HPS5: variants seen among roughly 807,000 people sequenced by gnomAD.
HPS5 encodes HPS5 biogenesis of lysosomal organelles complex 2 subunit 2.
Under a neutral mutation model 128.0 loss-of-function variants are expected in HPS5, and 83 were observed. The ratio of observed to expected loss-of-function variants is 0.65; its 90% CI spans 0.54 to 0.78. HPS5 has a LOEUF of 0.78. HPS5 is among the 30% of genes least tolerant of loss of function. The pLI, the probability that HPS5 is intolerant of heterozygous loss-of-function variation, is 0.00. For missense variants in HPS5, 1,281 were observed against 1,326.2 expected, an observed-to-expected ratio of 0.97 and a Z score of 0.53; for synonymous variants, 475 against 470.2, an observed-to-expected ratio of 1.01 and a Z score of -0.13.
intron 2 of HPS5, among the ~76,000 whole-genome samples, chr11:18,313,716 C>A (rs1266105368): frequency 6.6e-6 from 1 of 151,222 alleles, no homozygotes; most frequent in African/African-American, 2.4e-5. Flanking sequence ...GAGATCGAGA[C>A]CATCCTGGCC....
intron 21 of HPS5, among the ~76,000 whole-genome samples, chr11:18,282,525 C>A (rs1859139668): frequency 6.6e-6 from 1 of 151,840 alleles, no homozygotes; most frequent in Admixed American, 6.6e-5. Context: ...ACCGCAGCCT[C>A]CCAAAGTGCT....
At chr11:18,318,674 C>T (rs1033294442) in intron 1 of HPS5, among the ~76,000 whole-genome samples, 1 of 152,194 alleles carries the variant, frequency 6.6e-6, no homozygotes, top group Admixed American at 6.5e-5. Context: ...GAAAATTCTA[C>T]TCATTAATTA....
At chr11:18,317,245 C>T (rs369547110) in intron 2 of HPS5, among the ~76,000 whole-genome samples, 20 of 145,560 alleles carry the variant, frequency 1.4e-4, no homozygotes, top group South Asian at 6.6e-4. Context: ...AATGCTTCTC[C>T]GGGCCTGATA....
intron 20 of HPS5, 25 bp from the exon 21 acceptor site, chr11:18,283,926 A>G: frequency 6.7e-7 from 1 of 1,493,218 alleles, no homozygotes; most frequent in African/African-American, 1.4e-5. Flanking sequence ...AAGTTGAAGA[A>G]AGGAATAAAA....
At chr11:18,281,087 T>G (rs1322060138) in intron 22 of HPS5, among the ~76,000 whole-genome samples, 1 of 151,816 alleles carries the variant, frequency 6.6e-6, no homozygotes, top group Non-Finnish European at 1.5e-5. Flanking sequence ...CAGTAATTTT[T>G]TTTTTTTTTT....
chr11:18,296,699 C>A, intron 12 of HPS5, 99 bp downstream of exon 12: 1 of 1,076,670 alleles, frequency 9.3e-7, no homozygotes, highest in Non-Finnish European at 1.5e-6. Context: ...AAATTATTAA[C>A]ACTTCAGAGA....
chr11:18,317,696 CA>C, intron 2 of HPS5, 54 bp downstream of exon 2: 1 of 1,554,650 alleles, frequency 6.4e-7, no homozygotes, highest in South Asian at 1.1e-5. Flanking sequence ...AGGGTAGGGG[CA>C]CAGTAACAGA....
chr11:18,308,126 A>G (rs1862575524), intron 6 of HPS5, among the ~76,000 whole-genome samples: 2 of 152,208 alleles, frequency 1.3e-5, no homozygotes, highest in Admixed American at 6.5e-5. Context: ...ATAGTGATGC[A>G]TAATATTCAT....
intron 9 of HPS5, among the ~76,000 whole-genome samples, chr11:18,300,505 T>C (rs1393922163): frequency 6.6e-6 from 1 of 151,738 alleles, no homozygotes; most frequent in Non-Finnish European, 1.5e-5. Context: ...GAGACCAGCC[T>C]GGCCAACATG....
At chr11:18,319,546 C>T (rs138225738) in intron 1 of HPS5, among the ~76,000 whole-genome samples, 78 of 152,080 alleles carry the variant, frequency 5.1e-4, no homozygotes, top group African/African-American at 1.5e-3. Context: ...ATACAAGCAA[C>T]GGAATAATGA....
At chr11:18,317,730 T>C (rs1331513016) in intron 2 of HPS5, 21 bp downstream of exon 2, 2 of 1,610,692 alleles carry the variant, frequency 1.2e-6, no homozygotes, top group Non-Finnish European at 1.7e-6. Flanking sequence ...ATGAAACTGA[T>C]ACAAGGATCA....
At chr11:18,303,614 A>AG (rs1861989623) in intron 8 of HPS5, among the ~76,000 whole-genome samples, 2 of 152,278 alleles carry the variant, frequency 1.3e-5, no homozygotes, top group Admixed American at 6.5e-5. Flanking sequence ...GTACTTTGGG[A>AG]AGCCGATGCA....
rs766765974 is a variant in HPS5 at position 18,291,814 on chromosome 11, T to G, written c.2068A>C (p.Lys690Gln). 5.0e-6 allele frequency: 8 copies of G among 1,613,008 alleles called. No individual in the cohort carries two copies. The highest frequency in any genetic ancestry group is 1.7e-4 in the Middle Eastern group (1 of 6,056). Reference protein sequence around the residue: ...KKGILDEDNEKEKRDSLGNEE... With the variant: ...KKGILDEDNEQEKRDSLGNEE... The stretch of plus-strand genomic sequence containing the variant: ...TTGCCTAAAGAGTCCCTTTTTTCTT[T>G]TTCATTATCTTCATCTAATATTCCC... Residue 690 changes from lysine to glutamine, a missense_variant, in exon 16 of 23, where the codon AAA becomes CAA. Physicochemically the swap from Lys to Gln is moderately conservative, Grantham distance 53. Coordinates refer to ENST00000349215, the MANE Select transcript of HPS5 (RefSeq NM_181507.2).
chr11:18,280,427 T>C (rs539874045), intron 22 of HPS5: 28 of 584,634 alleles, frequency 4.8e-5, no homozygotes, highest in Non-Finnish European at 8.1e-5. Flanking sequence ...GGAACTCTTG[T>C]GCACTGCTGG....
intron 10 of HPS5, among the ~76,000 whole-genome samples, 176 bp downstream of exon 10, chr11:18,298,616 C>T (rs961414903): frequency 1.1e-4 from 17 of 152,176 alleles, no homozygotes; most frequent in Non-Finnish European, 2.1e-4. Context: ...TACCCTCTTT[C>T]TTACCCTCTA....
intron 2 of HPS5, among the ~76,000 whole-genome samples, chr11:18,313,717 C>T (rs1863269442): frequency 6.6e-6 from 1 of 151,420 alleles, no homozygotes; most frequent in Non-Finnish European, 1.5e-5. Flanking sequence ...AGATCGAGAC[C>T]ATCCTGGCCA....
In HPS5 at chr11:18,296,000, T is replaced by C. The variant is rs751067964; in HGVS notation, c.1633A>G (p.Ser545Gly). The C allele has an allele frequency of 3.1e-6, 5 of 1,613,470 alleles. No homozygotes were observed. In the East Asian group the frequency reaches 8.9e-5, roughly 29 times the overall value. Reference protein sequence around the residue: ...PLVSLQAVKESVSSFVRKTTE... With the variant: ...PLVSLQAVKEGVSSFVRKTTE... ...AAATGACAAGACTAATTGGTTTACC[T>C]TTCTTTGACAGCCTGAAGAGACACA... Residue 545 changes from serine (S) to glycine (G), a missense_variant and splice_region_variant, in exon 13 of 23, where the codon AGT becomes GGT. Ser to Gly is a moderately conservative substitution (Grantham distance 56). Coordinates refer to ENST00000349215, the MANE Select transcript of HPS5 (RefSeq NM_181507.2).
At chr11:18,281,438 T>C (rs1858938798) in intron 22 of HPS5, among the ~76,000 whole-genome samples, 1 of 151,726 alleles carries the variant, frequency 6.6e-6, no homozygotes, top group African/African-American at 2.4e-5. Context: ...TCTCGCTCTG[T>C]CACCAGGCTA....
chr11:18,313,142 T>C (rs891577903), intron 2 of HPS5, among the ~76,000 whole-genome samples: 2 of 152,204 alleles, frequency 1.3e-5, no homozygotes, highest in Admixed American at 6.5e-5. Flanking sequence ...TTCCTGAGTT[T>C]AATCAAAATA....
Sources: gnomAD v4.1 joint callset for allele counts (sites outside exome capture counted in the v4.1 genomes callset) on GRCh38, gnomAD v4.1.1 for gene constraint, MANE v1.5 for transcripts, NCBI Gene and HGNC (gene_info 2026-07-23, HGNC 2026-07-21) for gene names.